KCTD3: variants seen among roughly 807,000 people sequenced by gnomAD.
The protein encoded by KCTD3 is potassium channel tetramerization domain containing 3.
In KCTD3, 41 loss-of-function variants were observed where a neutral mutation model predicts 85.8. The observed-to-expected ratio is 0.48, with a 90% CI of 0.37 to 0.62. The LOEUF (loss-of-function observed/expected upper bound fraction) is 0.62, where lower values mean the gene tolerates loss of function less well. Ranked by LOEUF, KCTD3 falls within the 20% of genes least tolerant of loss-of-function variation. The pLI, the probability that KCTD3 is intolerant of heterozygous loss-of-function variation, is 0.00. For missense variants in KCTD3, 724 were observed against 989.9 expected (o/e 0.73, Z 3.60); for synonymous variants, 338 against 345.4 (o/e 0.98, Z 0.24).
intron 15 of KCTD3, among the ~76,000 whole-genome samples, chr1:215,615,258 G>C (rs1315973872): frequency 2.0e-5 from 3 of 152,152 alleles, no homozygotes; most frequent in Non-Finnish European, 2.9e-5. Flanking sequence ...GAAGTGAAAT[G>C]AAAGGGTTTT....
intron 9 of KCTD3, among the ~76,000 whole-genome samples, chr1:215,592,769 G>A (rs890971215): frequency 6.6e-6 from 1 of 152,174 alleles, no homozygotes; most frequent in Non-Finnish European, 1.5e-5. Flanking sequence ...CCATGATAAA[G>A]CTCTCCCAGA....
At chr1:215,572,040 T>C (rs756477419) in intron 1 of KCTD3, among the ~76,000 whole-genome samples, 15 of 152,240 alleles carry the variant, frequency 9.9e-5, no homozygotes, top group South Asian at 2.1e-4. Flanking sequence ...CTTCTGCTGT[T>C]ACTGACACTG....
intron 6 of KCTD3, 98 bp downstream of exon 6, chr1:215,578,179 T>C: frequency 1.1e-6 from 1 of 929,904 alleles, no homozygotes; most frequent in East Asian, 2.5e-5. Context: ...TATTGAGTTT[T>C]TTGTCTATAA....
At chr1:215,613,943 C>T (rs1655328257) in intron 15 of KCTD3, among the ~76,000 whole-genome samples, 1 of 140,876 alleles carries the variant, frequency 7.1e-6, no homozygotes, top group Non-Finnish European at 1.5e-5. Flanking sequence ...ACGTCTCTGG[C>T]TTTGTTCATT....
chr1:215,587,133 C>CTT (rs36018872), intron 9 of KCTD3, among the ~76,000 whole-genome samples: 5 of 142,234 alleles, frequency 3.5e-5, no homozygotes, highest in Non-Finnish European at 6.2e-5. Flanking sequence ...CTTTTTTTTC[C>CTT]TTTTTTTTTT....
At position 215,573,831 on chromosome 1, in the gene KCTD3, T is replaced by C. The variant is rs1333273833; in HGVS notation, c.129T>C (p.Phe43=). 1 of 1,559,894 alleles carries C rather than the reference T, an allele frequency of 6.4e-7. No homozygotes were observed. Among genetic ancestry groups the C allele is most frequent in the Non-Finnish European group, 8.8e-7 (1 of 1,136,628 alleles). ...RQTLMWIPDS[F]FSSLLSGRIS... ...CTCTTATGTGGATTCCAGATTCTTT[T>C]TTTTCCAGGTATGTCTTATAATTCT... The change falls in exon 2 of 18, where the codon TTT becomes TTC. Residue 43 remains phenylalanine (F), a synonymous_variant. Transcript: ENST00000259154.
At chr1:215,570,181 C>CCTT (rs1659307926) in intron 1 of KCTD3, among the ~76,000 whole-genome samples, 1 of 149,666 alleles carries the variant, frequency 6.7e-6, no homozygotes, top group South Asian at 2.1e-4. Flanking sequence ...GAGTAAAACT[C>CCTT]AAAAGGAGAG....
intron 1 of KCTD3, among the ~76,000 whole-genome samples, chr1:215,572,874 A>G (rs1486543824): frequency 3.9e-5 from 6 of 152,190 alleles, no homozygotes; most frequent in Admixed American, 3.9e-4. Flanking sequence ...TGTGGAGTGA[A>G]AGTAGAGGTT....
intron 10 of KCTD3, among the ~76,000 whole-genome samples, chr1:215,601,510 G>C (rs573119020): frequency 1.1e-4 from 17 of 152,278 alleles, no homozygotes; most frequent in African/African-American, 3.9e-4. Flanking sequence ...GTATGAGAAA[G>C]GGAAAAGAGA....
intron 17 of KCTD3, 110 bp from the exon 18 acceptor site, chr1:215,619,947 A>C (rs947743278): frequency 1.4e-6 from 1 of 700,914 alleles, no homozygotes; most frequent in Non-Finnish European, 2.2e-6. Flanking sequence ...ATATGGATAT[A>C]ATACACTTTA....
intron 8 of KCTD3, among the ~76,000 whole-genome samples, chr1:215,585,855 A>G (rs1044078858): frequency 2.3e-4 from 35 of 152,328 alleles, no homozygotes; most frequent in African/African-American, 7.5e-4. Flanking sequence ...CTGTAGTTCC[A>G]TAGAGTTTTG....
chr1:215,592,289 G>T (rs1422441394), intron 9 of KCTD3, among the ~76,000 whole-genome samples: 1 of 152,104 alleles, frequency 6.6e-6, no homozygotes, highest in Non-Finnish European at 1.5e-5. Flanking sequence ...GGGCTTGTCA[G>T]TGTGTTTCTG....
chr1:215,567,844 G>A (rs1659198118), intron 1 of KCTD3, 76 bp downstream of exon 1: 2 of 1,031,292 alleles, frequency 1.9e-6, no homozygotes, highest in Non-Finnish European at 2.5e-6. Flanking sequence ...GGGACCGAGA[G>A]TCGCAGGAAC....
chr1:215,579,433 C>T (rs1213334652), intron 7 of KCTD3, among the ~76,000 whole-genome samples: 2 of 152,086 alleles, frequency 1.3e-5, no homozygotes, highest in Non-Finnish European at 2.9e-5. Context: ...TCAACTTTGC[C>T]ATTGTAGCAT....
At chr1:215,571,460 T>C (rs1004897291) in intron 1 of KCTD3, among the ~76,000 whole-genome samples, 5 of 151,886 alleles carry the variant, frequency 3.3e-5, no homozygotes, top group African/African-American at 1.2e-4. Flanking sequence ...ACCTGTGAAA[T>C]TAGTTAGTAG....
intron 6 of KCTD3, 80 bp from the exon 7 acceptor site, chr1:215,578,920 G>A (rs990292633): frequency 1.1e-6 from 1 of 924,666 alleles, no homozygotes; most frequent in Admixed American, 3.3e-5. Flanking sequence ...TCACATTTTT[G>A]TTTCTTTGTC....
chr1:215,616,339 G>A (rs1317762223), intron 15 of KCTD3, among the ~76,000 whole-genome samples: 4 of 151,762 alleles, frequency 2.6e-5, no homozygotes, highest in African/African-American at 9.7e-5. Flanking sequence ...ATAAATACAG[G>A]AATAAAATCT....
chr1:215,604,176 G>A lies in KCTD3; in HGVS notation c.1183G>A (p.Gly395Arg). 6.2e-7 allele frequency: 1 copy of A among 1,613,782 alleles called. No individual in the cohort carries two copies. Among genetic ancestry groups the A allele is most frequent in the Non-Finnish European group, 8.5e-7 (1 of 1,179,822 alleles). Residue 395 changes from glycine to arginine, a missense_variant, in exon 13 of 18, where the codon GGA becomes AGA. Coordinates refer to ENST00000259154, the MANE Select transcript of KCTD3 (RefSeq NM_016121.5). ...CGAGATCGCCTATGGTACGAGCTCT[G>A]GAGCAGTACGAGTGATTGTACAACA... ...WIEIAYGTSSGAVRVIVQHPE... is the reference protein window; with the variant it reads ...WIEIAYGTSSRAVRVIVQHPE...
Position 215,620,370 on chromosome 1 carries a change from G to C in KCTD3, c.2200G>C (p.Gly734Arg). ...ATTGGAAGTGCATAAAATAGCTGAA[G>C]GTTTTTCAGAATCCAAGAAAAGGTC... ...SGLEVHKIAE[G>R]FSESKKRSSE... The change falls in exon 18 of 18, where the codon GGT becomes CGT. Residue 734 changes from glycine to arginine, a missense_variant. Gly to Arg is a moderately radical substitution (Grantham distance 125). Around this residue, in one of 6 missense-constraint regions of KCTD3, gnomAD observed 222 missense variants for 217.7 expected, o/e 1.02. Transcript: ENST00000259154. 2 of 1,613,038 alleles carry C rather than the reference G, an allele frequency of 1.2e-6. No individual in the cohort carries two copies. The highest frequency in any genetic ancestry group is 1.7e-6 in the Non-Finnish European group (2 of 1,179,666).
Sources: allele counts gnomAD v4.1 joint callset (sites outside exome capture counted in the v4.1 genomes callset), GRCh38; gene constraint gnomAD v4.1.1; regional missense constraint gnomAD v4.1.1; transcripts MANE v1.5; gene names NCBI Gene and HGNC (gene_info 2026-07-23, HGNC 2026-07-21).